The following LINGO2 variants were observed in gnomAD, a reference collection of about 807,000 sequenced individuals.
LINGO2 encodes leucine-rich repeat and immunoglobulin-like domain-containing nogo receptor-interacting protein 2.
A neutral mutation model predicts 30.6 loss-of-function variants in LINGO2; 14 were observed. The ratio of observed to expected loss-of-function variants is 0.46; its 90% CI spans 0.30 to 0.72. The LOEUF (loss-of-function observed/expected upper bound fraction) is 0.72. LINGO2 is among the 30% of genes least tolerant of loss of function. The probability of loss-of-function intolerance (pLI) is 0.07; values close to 1 mark genes in which losing one functional copy is unlikely to be tolerated. For missense variants in LINGO2, 729 were observed against 751.7 expected (o/e 0.97, Z 0.35); for synonymous variants, 317 against 288.5 (o/e 1.10, Z -1.00).
At chr9:29,007,317 G>A in the LINGO2 span, among the ~76,000 whole-genome samples, 1 of 151,992 alleles carries the variant, frequency 6.6e-6, no homozygotes, top group Non-Finnish European at 1.5e-5. Context: ...ACATCCAGAT[G>A]TAAACTTTTG....
the LINGO2 span, among the ~76,000 whole-genome samples, chr9:29,019,555 G>A: frequency 6.6e-6 from 1 of 152,024 alleles, no homozygotes; most frequent in Non-Finnish European, 1.5e-5. Flanking sequence ...TGTGATATTG[G>A]TCACATTTTG....
chr9:28,978,752 A>G, the LINGO2 span, among the ~76,000 whole-genome samples: 1 of 147,254 alleles, frequency 6.8e-6, no homozygotes, highest in Admixed American at 6.6e-5. Flanking sequence ...TTAGAACACA[A>G]AAGAACACAA....
the LINGO2 span, among the ~76,000 whole-genome samples, chr9:28,916,687 C>G: frequency 6.6e-6 from 1 of 152,190 alleles, no homozygotes; most frequent in African/African-American, 2.4e-5. Context: ...CATATAAAAC[C>G]AAGCTGTAGC....
chr9:28,937,194 C>A, the LINGO2 span, among the ~76,000 whole-genome samples: 1 of 152,096 alleles, frequency 6.6e-6, no homozygotes, highest in African/African-American at 2.4e-5. Flanking sequence ...ATGCATTCAC[C>A]CCATCTCAAT....
At chr9:28,850,267 T>C in the LINGO2 span, among the ~76,000 whole-genome samples, 1 of 152,064 alleles carries the variant, frequency 6.6e-6, no homozygotes, top group Admixed American at 6.6e-5. Context: ...CTATGAATGA[T>C]AATAATTTAG....
At chr9:28,560,386 C>T (rs1340777160) in intron 1 of LINGO2, among the ~76,000 whole-genome samples, 1 of 152,062 alleles carries the variant, frequency 6.6e-6, no homozygotes, top group African/African-American at 2.4e-5. Flanking sequence ...AAGAGAAATT[C>T]TTCAGGCTAT....
At chr9:29,134,031 T>C in the LINGO2 span, among the ~76,000 whole-genome samples, 6,244 of 152,262 alleles carry the variant, frequency 0.041, 199 homozygotes, top group Admixed American at 0.079. Flanking sequence ...TTAATCTCTA[T>C]AGTTTTCCAT....
intron 3 of LINGO2, among the ~76,000 whole-genome samples, chr9:28,354,689 C>T (rs530476473): frequency 1.7e-3 from 258 of 152,242 alleles, no homozygotes; most frequent in African/African-American, 6.0e-3. Flanking sequence ...CCTTGTTTGA[C>T]CAATAGAAAA....
Position 28,268,075 on chromosome 9 carries a change from C to T in LINGO2, c.-87+27133G>A, listed in dbSNP as rs575654831. 5.9e-5 allele frequency among the ~76,000 whole-genome samples: 9 copies of T among 152,186 alleles called. No homozygotes were observed. In the South Asian group the frequency reaches 1.9e-3, roughly 32 times the overall value. On this transcript the variant is annotated intron_variant, in intron 4 of 5. Transcript: ENST00000379992. Reference sequence around the variant, plus strand: ...TATCAGAGTTATTTGTGCATACATACATCCACACAGCCACACACACAAACA... The same window carrying T: ...TATCAGAGTTATTTGTGCATACATATATCCACACAGCCACACACACAAACA...
intron 2 of LINGO2, among the ~76,000 whole-genome samples, chr9:28,396,872 T>C (rs2134720421): frequency 6.6e-6 from 1 of 152,004 alleles, no homozygotes; most frequent in South Asian, 2.1e-4. Flanking sequence ...TAGTAAAAAG[T>C]TGAGGAGTGG....
At chr9:28,885,374 C>T in the LINGO2 span, among the ~76,000 whole-genome samples, 9,464 of 143,680 alleles carry the variant, frequency 0.066, 369 homozygotes, top group African/African-American at 0.096. Flanking sequence ...CACACACACA[C>T]ATATATATAT....
At chr9:28,529,008 A>C (rs1821130066) in intron 1 of LINGO2, among the ~76,000 whole-genome samples, 1 of 152,116 alleles carries the variant, frequency 6.6e-6, no homozygotes, top group Non-Finnish European at 1.5e-5. Flanking sequence ...TTCTTCCTAG[A>C]CTTAACCTGA....
At chr9:28,272,554 C>A (rs1822978768) in intron 4 of LINGO2, among the ~76,000 whole-genome samples, 1 of 152,030 alleles carries the variant, frequency 6.6e-6, no homozygotes, top group Non-Finnish European at 1.5e-5. Flanking sequence ...ACTTTGTTAA[C>A]TCAATTTACA....
intron 1 of LINGO2, among the ~76,000 whole-genome samples, chr9:28,612,639 C>CT (rs1362935189): frequency 2.6e-5 from 4 of 152,104 alleles, no homozygotes; most frequent in African/African-American, 9.7e-5. Context: ...TATGCAATGC[C>CT]TTTATTCCCA....
At chr9:28,174,921 T>TGAGAGAGA (rs71502440) in intron 4 of LINGO2, among the ~76,000 whole-genome samples, 9 of 133,418 alleles carry the variant, frequency 6.7e-5, no homozygotes, top group African/African-American at 2.5e-4. Context: ...TGTGTGTGTG[T>TGAGAGAGA]GAGAGAGAGA....
intron 1 of LINGO2, among the ~76,000 whole-genome samples, chr9:28,539,378 A>G (rs896288193): frequency 2.6e-5 from 4 of 152,202 alleles, no homozygotes; most frequent in Admixed American, 2.6e-4. Context: ...AAAAGAAAAC[A>G]TTAGCAGTGA....
intron 1 of LINGO2, among the ~76,000 whole-genome samples, chr9:28,513,084 TACACACAC>T (rs57773955): frequency 0.011 from 1,592 of 146,726 alleles, 20 homozygotes; most frequent in Admixed American, 0.036. Context: ...TTAACCATCA[TACACACAC>T]ACACACACAC....
At chr9:28,685,485 C>T in the LINGO2 span, among the ~76,000 whole-genome samples, 1 of 152,096 alleles carries the variant, frequency 6.6e-6, no homozygotes, top group Admixed American at 6.5e-5. Context: ...ACATTTCGTA[C>T]AATTACTCAT....
the LINGO2 span, among the ~76,000 whole-genome samples, chr9:29,128,218 G>A: frequency 6.6e-6 from 1 of 152,044 alleles, no homozygotes; most frequent in Non-Finnish European, 1.5e-5. Context: ...GACACCAAAC[G>A]GGGACACCCT....
Sources: allele counts gnomAD v4.1 joint callset (sites outside exome capture counted in the v4.1 genomes callset), GRCh38; gene constraint gnomAD v4.1.1; transcripts MANE v1.5; gene names NCBI Gene and HGNC (gene_info 2026-07-23, HGNC 2026-07-21).